Variants in NAV1 observed in about 807,000 individuals in gnomAD.
NAV1 encodes the protein neuron navigator 1, also known as pore membrane and/or filament interacting like protein 3.
In NAV1, 18 loss-of-function variants were observed where a neutral mutation model predicts 175.2. That is an observed-to-expected ratio of 0.10 (90% CI 0.07 to 0.15). The LOEUF (loss-of-function observed/expected upper bound fraction) is 0.15, where lower values mean the gene tolerates loss of function less well. NAV1 is among the 10% of genes least tolerant of loss of function. The pLI is 1.00. For synonymous variants in NAV1, 897 were observed against 978.7 expected (o/e 0.92, Z 1.56); for missense variants, 1,731 against 2,436.6 (o/e 0.71, Z 6.10).
intron 1 of NAV1, among the ~76,000 whole-genome samples, chr1:201,656,622 G>A (rs975260118): frequency 1.3e-5 from 2 of 152,198 alleles, no homozygotes; most frequent in Non-Finnish European, 2.9e-5. Context: ...CCTAGAACTC[G>A]GGTGAGGTTG....
At chr1:201,541,538 G>A (rs35175625) in intron 1 of NAV1, among the ~76,000 whole-genome samples, 7,736 of 152,284 alleles carry the variant, frequency 0.051, 260 homozygotes, top group Non-Finnish European at 0.079. Flanking sequence ...GCTCATGCCC[G>A]TAAGAGGGGC....
intron 3 of NAV1, among the ~76,000 whole-genome samples, chr1:201,727,573 T>C (rs1190616707): frequency 6.6e-6 from 1 of 152,198 alleles, no homozygotes; most frequent in Non-Finnish European, 1.5e-5. Flanking sequence ...TTCTTGCCTA[T>C]GAAGAATGTC....
At chr1:201,735,083 T>C (rs1673054107) in intron 3 of NAV1, among the ~76,000 whole-genome samples, 1 of 152,090 alleles carries the variant, frequency 6.6e-6, no homozygotes, top group South Asian at 2.1e-4. Flanking sequence ...CAGCTGGGAT[T>C]AGGGCTGAGC....
chr1:201,785,303 TCC>T lies in NAV1; in HGVS notation c.2805-6_2805-5del. ...CTCTCTTTTTTTTTTTTTTTTTATC[TCC>T]ACAGTAATCAGCGGGATCGGAACAC... is the stretch of plus-strand genomic sequence containing the variant. On this transcript the variant is annotated splice_polypyrimidine_tract_variant and splice_region_variant and intron_variant, in intron 7 of 29. Transcript: ENST00000367296. 1 of 1,555,302 alleles carries T rather than the reference TCC, an allele frequency of 6.4e-7. No homozygotes were observed. Among genetic ancestry groups the T allele is most frequent in the Non-Finnish European group, 8.8e-7 (1 of 1,141,258 alleles).
intron 1 of NAV1, among the ~76,000 whole-genome samples, chr1:201,703,657 A>T (rs1671540064): frequency 6.6e-6 from 1 of 152,218 alleles, no homozygotes; most frequent in South Asian, 2.1e-4. Flanking sequence ...TGGAACTTTA[A>T]GCTCGTCTCC....
chr1:201,783,527 C>T (rs1396030067), exon 7 of NAV1: 14 of 1,614,210 alleles, frequency 8.7e-6, no homozygotes, highest in South Asian at 1.1e-5. Context: ...CCCAGATCTG[C>T]ATGCTACAAG....
chr1:201,700,290 C>T (rs1202226180), intron 1 of NAV1, among the ~76,000 whole-genome samples: 3 of 152,224 alleles, frequency 2.0e-5, no homozygotes, highest in Non-Finnish European at 4.4e-5. Flanking sequence ...TGAACAGACA[C>T]TTCTCGAAAG....
intron 1 of NAV1, among the ~76,000 whole-genome samples, chr1:201,708,440 GCA>G (rs3053753): frequency 0.026 from 3,806 of 147,980 alleles, 159 homozygotes; most frequent in African/African-American, 0.088. Flanking sequence ...CTACTTGCGC[GCA>G]CACACACACA....
Position 201,781,001 on chromosome 1 carries a change from C to T in NAV1, c.1366-11C>T, listed in dbSNP as rs1273823824. ...GAAGTATCTCACTCTGCCTTTTTCTCTTTTCTTTAGCTACGCACAGACTCA... is the reference window on the plus strand; with the variant it reads ...GAAGTATCTCACTCTGCCTTTTTCTTTTTTCTTTAGCTACGCACAGACTCA... On this transcript the variant is annotated splice_polypyrimidine_tract_variant and intron_variant, in intron 4 of 29. Coordinates refer to ENST00000367296, the Ensembl canonical transcript of NAV1. 11 of 1,579,866 alleles carry T rather than the reference C, an allele frequency of 7.0e-6. No homozygotes were observed. The Admixed American group carries it at 9.4e-5, about 13-fold the overall frequency.
chr1:201,541,123 G>A (rs1665502517), intron 1 of NAV1, among the ~76,000 whole-genome samples: 1 of 152,176 alleles, frequency 6.6e-6, no homozygotes, highest in Non-Finnish European at 1.5e-5. Context: ...GATTGTCAGT[G>A]TGCCATGCTT....
chr1:201,556,239 C>G (rs907422040), intron 1 of NAV1, among the ~76,000 whole-genome samples: 14 of 151,878 alleles, frequency 9.2e-5, no homozygotes, highest in African/African-American at 3.1e-4. Context: ...TACAGAGTCC[C>G]CATCTCTACA....
chr1:201,568,370 T>C (rs1278948998), intron 1 of NAV1, among the ~76,000 whole-genome samples: 1 of 152,142 alleles, frequency 6.6e-6, no homozygotes, highest in African/African-American at 2.4e-5. Context: ...GTTAATGGAG[T>C]GTCAGCACTC....
At chr1:201,630,467 G>A (rs1304203545) in intron 2 of NAV1, among the ~76,000 whole-genome samples, 1 of 152,190 alleles carries the variant, frequency 6.6e-6, no homozygotes, top group Non-Finnish European at 1.5e-5. Flanking sequence ...CGGACAGGAT[G>A]GTATACTGCT....
chr1:201,810,033 G>A lies in NAV1; in HGVS notation c.4489G>A (p.Val1497Met), dbSNP rs572999947. 4 of 1,613,956 alleles carry A rather than the reference G, an allele frequency of 2.5e-6. No individual in the cohort carries two copies. In the East Asian group the frequency reaches 6.7e-5, roughly 27 times the overall value. Residue 1497 changes from valine to methionine, a missense_variant, in exon 23 of 30, where the codon GTG (valine) becomes ATG (methionine). Physicochemically the swap from Val to Met is conservative, Grantham distance 21. Around this residue, in one of 13 missense-constraint regions of NAV1, gnomAD observed 36 missense variants for 45.3 expected, o/e 0.80. Coordinates refer to ENST00000367296, the Ensembl canonical transcript of NAV1. This position sits in a 1 kb window ranked among gnomAD's most constrained non-coding sequence, Gnocchi z 6.0. ...CTACAGCATCAGCCACGTGAAACGA[G>A]TGTTGGATGCAGAGCCCCCCGAGAT... is the stretch of plus-strand genomic sequence containing the variant.
intron 3 of NAV1, chr1:201,724,274 A>C (rs1020657949): frequency 6.6e-6 from 1 of 152,238 alleles, no homozygotes; most frequent in Non-Finnish European, 1.5e-5. Context: ...CTAAATAAGA[A>C]GATAAGTTTC....
chr1:201,697,056 G>A (rs1255262398), intron 1 of NAV1, among the ~76,000 whole-genome samples: 1 of 152,156 alleles, frequency 6.6e-6, no homozygotes, highest in East Asian at 1.9e-4. Context: ...TCTCACTGTA[G>A]GAATTCTCTG....
At chr1:201,569,426 G>C (rs1320762045) in intron 1 of NAV1, among the ~76,000 whole-genome samples, 2 of 152,190 alleles carry the variant, frequency 1.3e-5, no homozygotes, top group Non-Finnish European at 2.9e-5. Flanking sequence ...AATGACTCCA[G>C]GGATGTCAAA....
At chr1:201,802,254 A>G (rs1677948758) in intron 15 of NAV1, among the ~76,000 whole-genome samples, 4 of 143,964 alleles carry the variant, frequency 2.8e-5, no homozygotes, top group Admixed American at 2.1e-4. Flanking sequence ...GCAGTGAGCC[A>G]AGATCGCACC....
At chr1:201,683,177 G>A (rs1250325851) in intron 1 of NAV1, among the ~76,000 whole-genome samples, 1 of 152,182 alleles carries the variant, frequency 6.6e-6, no homozygotes, top group Non-Finnish European at 1.5e-5. Context: ...GTTTTGAAGA[G>A]TACTGGTCAG....
Sources: allele counts gnomAD v4.1 joint callset (sites outside exome capture counted in the v4.1 genomes callset), GRCh38; gene constraint gnomAD v4.1.1; regional missense constraint gnomAD v4.1.1; non-coding constraint Gnocchi (gnomAD v3.1); transcripts MANE v1.5; gene names NCBI Gene and HGNC (gene_info 2026-07-23, HGNC 2026-07-21).